IRAK2: variants seen among roughly 807,000 people sequenced by gnomAD.
The protein encoded by IRAK2 is interleukin-1 receptor-associated kinase-like 2.
Under a neutral mutation model 72.0 loss-of-function variants are expected in IRAK2, and 57 were observed. The observed-to-expected ratio is 0.79, with a 90% confidence interval of 0.64 to 0.99. The LOEUF (loss-of-function observed/expected upper bound fraction) is 0.99. Ranked by LOEUF, IRAK2 falls within the 50% of genes least tolerant of loss-of-function variation. The probability of loss-of-function intolerance (pLI) is 0.00; values close to 1 mark genes in which losing one functional copy is unlikely to be tolerated. For synonymous variants in IRAK2, 293 were observed against 312.7 expected (o/e 0.94, Z 0.67); for missense variants, 790 against 794.4 (o/e 0.99, Z 0.07).
At chr3:10,224,705 C>T (rs868522463) in intron 9 of IRAK2, among the ~76,000 whole-genome samples, 4 of 128,682 alleles carry the variant, frequency 3.1e-5, no homozygotes, top group African/African-American at 3.4e-5. Flanking sequence ...TCCACCCATG[C>T]ACCCACCCTC....
Position 10,186,498 on chromosome 3 carries a change from T to C in IRAK2, c.277+8478T>C, listed in dbSNP as rs570349155. Reference sequence around the variant, plus strand: ...CTCGCCTCCTCACCCCCCAATTTAATGTGCTTACCTGGAGCTTCCCTTGAA... The same window carrying C: ...CTCGCCTCCTCACCCCCCAATTTAACGTGCTTACCTGGAGCTTCCCTTGAA... On this transcript the variant is annotated intron_variant, in intron 2 of 12. Transcript: ENST00000256458. Among the ~76,000 whole-genome samples, 17 of 151,810 alleles carry C rather than the reference T, an allele frequency of 1.1e-4. No individual in the cohort carries two copies. The South Asian group carries it at 3.5e-3, about 31-fold the overall frequency.
At chr3:10,173,910 A>C (rs1450775082) in intron 1 of IRAK2, among the ~76,000 whole-genome samples, 1 of 152,186 alleles carries the variant, frequency 6.6e-6, no homozygotes, top group Non-Finnish European at 1.5e-5. Context: ...TGGAACAAAA[A>C]TGTCTAAGCT....
rs4020034 is a variant in IRAK2 at position 10,186,783 on chromosome 3, CT to C, written c.277+8784del. ...GCTGGGTCTTTGTTTTCTTTCTTTC[CT>C]TTTTTTTTTTTTTTTTTTTTAAATA... On this transcript the variant is annotated intron_variant, in intron 2 of 12. Coordinates refer to ENST00000256458, the MANE Select transcript of IRAK2 (RefSeq NM_001570.4). Among the ~76,000 whole-genome samples, 1,059 of 124,706 alleles carry C rather than the reference CT, an allele frequency of 8.5e-3. 10 individuals carry two copies. Among genetic ancestry groups the C allele is most frequent in the East Asian group, 0.034 (153 of 4,538 alleles). 81.8% of individuals were successfully genotyped at this position (124,706 alleles called of 152,430 possible).
chr3:10,235,449 C>T (rs999476297), intron 11 of IRAK2, among the ~76,000 whole-genome samples: 4 of 152,114 alleles, frequency 2.6e-5, no homozygotes, highest in African/African-American at 7.2e-5. Context: ...AGGCATCAGC[C>T]GCTCTGTCCG....
rs866769848 is a variant in IRAK2, at chr3:10,212,011, C to T, written c.529-1196C>T. 2.1e-4 allele frequency among the ~76,000 whole-genome samples: 30 copies of T among 144,790 alleles called. 2 individuals carry two copies. In the Middle Eastern group the frequency reaches 0.015, roughly 70 times the overall value. The allele number at this position is 144,790 out of a possible 152,430, so 95.0% of individuals were successfully genotyped here. A position where few individuals can be genotyped will look rare whatever the true frequency, so the allele number is the denominator to read the frequency against. ...AGGAGAATGGCGTGAACCTGGGAGG[C>T]GGAGCTTGCAGTGAGCCGAGATCAC... On this transcript the variant is annotated intron_variant, in intron 4 of 12. Transcript: ENST00000256458.
chr3:10,227,643 C>A (rs1697799786), intron 10 of IRAK2, among the ~76,000 whole-genome samples: 1 of 151,716 alleles, frequency 6.6e-6, no homozygotes, highest in Non-Finnish European at 1.5e-5. Context: ...TGAGTCAGAT[C>A]TCCCTGAGCC....
chr3:10,221,142 C>G (rs1442864875), intron 8 of IRAK2, among the ~76,000 whole-genome samples: 1 of 151,228 alleles, frequency 6.6e-6, no homozygotes, highest in Non-Finnish European at 1.5e-5. Flanking sequence ...CCTGTAATCC[C>G]AGCACTTTGG....
chr3:10,203,153 C>A (rs987298971), intron 3 of IRAK2, among the ~76,000 whole-genome samples: 1 of 151,898 alleles, frequency 6.6e-6, no homozygotes, highest in Non-Finnish European at 1.5e-5. Context: ...CGCACCACCA[C>A]GTCTGACTGA....
chr3:10,206,930 G>C (rs1036649269), intron 3 of IRAK2, among the ~76,000 whole-genome samples: 1 of 148,368 alleles, frequency 6.7e-6, no homozygotes, highest in Non-Finnish European at 1.5e-5. Flanking sequence ...CTCAGCTCAC[G>C]GCAACCTTTG....
chr3:10,217,123 A>G (rs993697336), intron 7 of IRAK2, 75 bp downstream of exon 7: 2 of 1,080,556 alleles, frequency 1.9e-6, no homozygotes, highest in African/African-American at 3.1e-5. Context: ...AAGGACTTAC[A>G]GAAGTTCAGA....
intron 10 of IRAK2, among the ~76,000 whole-genome samples, chr3:10,233,953 C>T (rs1456929917): frequency 1.3e-5 from 2 of 152,096 alleles, no homozygotes; most frequent in African/African-American, 4.8e-5. Flanking sequence ...CCTCCCCCAC[C>T]ATAGGTTCAA....
intron 1 of IRAK2, among the ~76,000 whole-genome samples, chr3:10,165,806 T>C (rs1028773671): frequency 4.4e-4 from 64 of 144,394 alleles, no homozygotes; most frequent in Admixed American, 7.7e-4. Context: ...TCTAGGCTCG[T>C]TGCAAGCTCC....
chr3:10,169,693 A>G (rs576785483), intron 1 of IRAK2, among the ~76,000 whole-genome samples: 166 of 152,212 alleles, frequency 1.1e-3, no homozygotes, highest in Non-Finnish European at 2.1e-3. Context: ...ACGTTTTACA[A>G]TCAGATTTCA....
rs1272264705 is a variant in IRAK2 at position 10,240,567 on chromosome 3, T to G, written c.1765+1528T>G. Among the ~76,000 whole-genome samples the G allele has an allele frequency of 4.0e-5, 2 of 50,050 alleles. 1 individual carries two copies. 32.8% of individuals were successfully genotyped at this position (50,050 alleles called of 152,430 possible). On this transcript the variant is annotated intron_variant, in intron 12 of 12. Transcript: ENST00000256458. Reference sequence around the variant, plus strand: ...CCCCCCCCCCCCCCGCCTTTTTTTTTTTTTGTTTTGAGACAGTGTTTCACT... The same window carrying G: ...CCCCCCCCCCCCCCGCCTTTTTTTTGTTTTGTTTTGAGACAGTGTTTCACT...
chr3:10,228,364 C>A (rs1374285423), intron 10 of IRAK2, among the ~76,000 whole-genome samples: 1 of 152,074 alleles, frequency 6.6e-6, no homozygotes, highest in Non-Finnish European at 1.5e-5. Context: ...TCTGTGAGTT[C>A]CACCCCTTTT....
At chr3:10,181,349 C>T (rs61089659) in intron 2 of IRAK2, among the ~76,000 whole-genome samples, 17,075 of 152,140 alleles carry the variant, frequency 0.11, 1,242 homozygotes, top group South Asian at 0.16. Flanking sequence ...GTGGCTCACG[C>T]GTGTAATCCC....
chr3:10,220,672 C>T (rs563947244), intron 8 of IRAK2, among the ~76,000 whole-genome samples: 55 of 152,196 alleles, frequency 3.6e-4, no homozygotes, highest in Non-Finnish European at 7.4e-4. Context: ...AACTCCTGAC[C>T]TCAGGTGATC....
intron 2 of IRAK2, among the ~76,000 whole-genome samples, chr3:10,197,228 A>G (rs1697282767): frequency 6.6e-6 from 1 of 151,746 alleles, no homozygotes; most frequent in Non-Finnish European, 1.5e-5. Context: ...AAATACAGAA[A>G]AAAAAAATTA....
intron 2 of IRAK2, among the ~76,000 whole-genome samples, chr3:10,194,991 A>G (rs1697241023): frequency 6.6e-6 from 1 of 151,924 alleles, no homozygotes; most frequent in African/African-American, 2.4e-5. Flanking sequence ...AGCCCTGCCG[A>G]CACCGCCCCT....
Sources: gnomAD v4.1 joint callset for allele counts (sites outside exome capture counted in the v4.1 genomes callset) on GRCh38, gnomAD v4.1.1 for gene constraint, MANE v1.5 for transcripts, NCBI Gene and HGNC (gene_info 2026-07-23, HGNC 2026-07-21) for gene names.